The following TMTC1 variants were observed in gnomAD, a reference collection of about 807,000 sequenced individuals.
TMTC1 encodes transmembrane O-mannosyltransferase targeting cadherins 1.
TMTC1 carries 73 observed loss-of-function variants against 104.8 expected under a neutral mutation model. That is an observed-to-expected ratio of 0.70 (90% confidence interval 0.58 to 0.85). The LOEUF is 0.85. TMTC1 is among the 40% of genes least tolerant of loss of function. The pLI is 0.00. For missense variants in TMTC1, 1,035 were observed against 1,096.1 expected, an observed-to-expected ratio of 0.94 and a Z score of 0.79; for synonymous variants, 434 against 428.7, an observed-to-expected ratio of 1.01 and a Z score of -0.15.
At chr12:29,653,316 T>C (rs1378324477) in intron 5 of TMTC1, among the ~76,000 whole-genome samples, 2 of 151,960 alleles carry the variant, frequency 1.3e-5, no homozygotes, top group African/African-American at 4.8e-5. Flanking sequence ...TTCAGGAAGA[T>C]GGTGGCAGTG....
chr12:29,599,188 G>A (rs1946488303), intron 7 of TMTC1, among the ~76,000 whole-genome samples: 1 of 152,164 alleles, frequency 6.6e-6, no homozygotes, highest in Non-Finnish European at 1.5e-5. Context: ...GCAATTTAAT[G>A]TGGTTTTTAT....
In TMTC1 at chr12:29,653,669, A is replaced by G. The variant is rs530371013; in HGVS notation, c.939-20333T>C. 2.8e-4 allele frequency among the ~76,000 whole-genome samples: 43 copies of G among 152,354 alleles called. No homozygotes were observed. In the South Asian group the frequency reaches 8.5e-3, roughly 30 times the overall value. Reference sequence around the variant, plus strand: ...GTTGGAAAAGTTATTGGTCAGTCACAAAGAACTGACTGACAGCTAATACAT... The same window carrying G: ...GTTGGAAAAGTTATTGGTCAGTCACGAAGAACTGACTGACAGCTAATACAT... On this transcript the variant is annotated intron_variant, in intron 5 of 17. Transcript: ENST00000539277.
intron 8 of TMTC1, among the ~76,000 whole-genome samples, chr12:29,578,539 G>A (rs1048510402): frequency 7.2e-5 from 11 of 152,046 alleles, no homozygotes; most frequent in South Asian, 2.1e-4. Flanking sequence ...GGCCGAACGC[G>A]AAACCCTGTT....
chr12:29,525,121 C>T (rs1438181218), intron 11 of TMTC1, among the ~76,000 whole-genome samples: 3 of 140,218 alleles, frequency 2.1e-5, no homozygotes, highest in African/African-American at 5.1e-5. Context: ...GCTTTGAGGT[C>T]CCAAAGTTTT....
At chr12:29,571,157 T>A (rs1945665623) in intron 9 of TMTC1, among the ~76,000 whole-genome samples, 1 of 152,098 alleles carries the variant, frequency 6.6e-6, no homozygotes, top group Non-Finnish European at 1.5e-5. Context: ...GCAACCAATC[T>A]GTGGAGGCAT....
chr12:29,714,265 A>G (rs1942016427), intron 5 of TMTC1, among the ~76,000 whole-genome samples: 1 of 152,234 alleles, frequency 6.6e-6, no homozygotes, highest in South Asian at 2.1e-4. Context: ...CTTGCAATTC[A>G]AACAATCATT....
In TMTC1 at chr12:29,750,062, T is replaced by TACACACACACACACACAAAC. The variant is rs148312958; in HGVS notation, c.938+1603_938+1604insGTTTGTGTGTGTGTGTGTGT. On this transcript the variant is annotated intron_variant, in intron 5 of 17. Transcript: ENST00000539277. ...AAAGAAATGTTATCATAACTGTCTA[T>TACACACACACACACACAAAC]ACACACACACACACACACACACACA... is the stretch of plus-strand genomic sequence containing the variant. Among the ~76,000 whole-genome samples, 8 of 146,536 alleles carry TACACACACACACACACAAAC rather than the reference T, an allele frequency of 5.5e-5. No individual in the cohort carries two copies. The Admixed American group carries it at 5.5e-4, about 10-fold the overall frequency.
At position 29,517,541 on chromosome 12, in the gene TMTC1, T is replaced by C. The variant is rs1944023206; in HGVS notation, c.2055A>G (p.Ile685Met). The change falls in exon 14 of 18, where the codon ATA becomes ATG. Residue 685 changes from isoleucine to methionine, a missense_variant. By Grantham distance (10) the Ile-to-Met change is conservative (BLOSUM62 1). Transcript: ENST00000539277. ...AATACAGTGCTCCCAAAGGTGACAATATCTCAGCTTTGTGTGCCACCTGCA... is the reference window on the plus strand; with the variant it reads ...AATACAGTGCTCCCAAAGGTGACAACATCTCAGCTTTGTGTGCCACCTGCA... ...RALQVAHKAE[I>M]LSPLGALYYN... 1 of 1,614,014 alleles carries C rather than the reference T, an allele frequency of 6.2e-7. No individual in the cohort carries two copies. Among genetic ancestry groups the C allele is most frequent in the African/African-American group, 1.3e-5 (1 of 74,918 alleles).
At chr12:29,716,549 C>A (rs1256497441) in intron 5 of TMTC1, among the ~76,000 whole-genome samples, 1 of 151,504 alleles carries the variant, frequency 6.6e-6, no homozygotes, top group Non-Finnish European at 1.5e-5. Context: ...TATTTAGAGC[C>A]TAAGGATATG....
At chr12:29,549,441 C>T (rs1348444781) in intron 10 of TMTC1, among the ~76,000 whole-genome samples, 9 of 151,926 alleles carry the variant, frequency 5.9e-5, no homozygotes, top group East Asian at 1.9e-4. Flanking sequence ...AAATTGTCTA[C>T]GTTATTTTGG....
chr12:29,667,053 GAC>G (rs1358429701), intron 5 of TMTC1, among the ~76,000 whole-genome samples: 1 of 152,054 alleles, frequency 6.6e-6, no homozygotes, highest in Non-Finnish European at 1.5e-5. Context: ...ATATAGCAAA[GAC>G]ACAGCTCACA....
At chr12:29,701,960 G>T (rs1440500443) in intron 5 of TMTC1, among the ~76,000 whole-genome samples, 1 of 152,202 alleles carries the variant, frequency 6.6e-6, no homozygotes. Context: ...TATTGAAGAT[G>T]TGTTTCCCTA....
chr12:29,737,458 G>T lies in TMTC1; in HGVS notation c.938+14208C>A, dbSNP rs192422135. ...GAACCTGGGAGGCGGGGGTTGCGGT[G>T]AGCCCAGATCGCGCCATTGCACTCC... On this transcript the variant is annotated intron_variant, in intron 5 of 17. Coordinates refer to ENST00000539277, the MANE Select transcript of TMTC1 (RefSeq NM_001193451.2). Among the ~76,000 whole-genome samples, 644 of 152,240 alleles carry T rather than the reference G, an allele frequency of 4.2e-3. 1 individual carries two copies. Among genetic ancestry groups the T allele is most frequent in the Non-Finnish European group, 7.4e-3 (505 of 68,010 alleles).
At chr12:29,545,819 C>T (rs895879219) in intron 10 of TMTC1, among the ~76,000 whole-genome samples, 11 of 151,980 alleles carry the variant, frequency 7.2e-5, no homozygotes, top group African/African-American at 2.4e-4. Context: ...AAATTATGTC[C>T]CTGGGCTGAT....
At chr12:29,657,602 T>C (rs1234815511) in intron 5 of TMTC1, among the ~76,000 whole-genome samples, 3 of 151,706 alleles carry the variant, frequency 2.0e-5, no homozygotes, top group Admixed American at 1.3e-4. Context: ...TTGGAAGTAA[T>C]GAAGACAAAC....
At chr12:29,650,324 A>C (rs1279106974) in intron 5 of TMTC1, among the ~76,000 whole-genome samples, 2 of 152,004 alleles carry the variant, frequency 1.3e-5, no homozygotes, top group Non-Finnish European at 2.9e-5. Context: ...ACCTCAAGTG[A>C]TCTGCCCGCC....
chr12:29,619,128 A>C lies in TMTC1; in HGVS notation c.1128+14019T>G, dbSNP rs539003595. On this transcript the variant is annotated intron_variant, in intron 6 of 17. Transcript: ENST00000539277. ...GTGATGTCTGATAACTTCTTTTTCC[A>C]TTATACCACTATCTAAGACTCACTA... Among the ~76,000 whole-genome samples, 4 of 152,330 alleles carry C rather than the reference A, an allele frequency of 2.6e-5. No homozygotes were observed. The East Asian group carries it at 7.7e-4, about 29-fold the overall frequency.
intron 7 of TMTC1, among the ~76,000 whole-genome samples, chr12:29,597,010 G>A (rs114044427): frequency 0.012 from 1,872 of 152,148 alleles, 31 homozygotes; most frequent in African/African-American, 0.043. Flanking sequence ...CCCAAGTCTC[G>A]CTTCATGACT....
intron 6 of TMTC1, among the ~76,000 whole-genome samples, chr12:29,622,084 AG>A (rs1937704265): frequency 1.3e-5 from 2 of 152,324 alleles, no homozygotes; most frequent in African/African-American, 4.8e-5. Flanking sequence ...TATGAGGTGA[AG>A]GGAGGGGAGA....
Sources: allele counts gnomAD v4.1 joint callset (sites outside exome capture counted in the v4.1 genomes callset), GRCh38; gene constraint gnomAD v4.1.1; transcripts MANE v1.5; gene names NCBI Gene and HGNC (gene_info 2026-07-23, HGNC 2026-07-21).